TMPRSS15: variants seen among roughly 807,000 people sequenced by gnomAD.
The protein encoded by TMPRSS15 is transmembrane serine protease 15, also known as enteropeptidase.
TMPRSS15 carries 128 observed loss-of-function variants against 125.3 expected under a neutral mutation model. That is an observed-to-expected ratio of 1.02 (90% CI 0.89 to 1.18). The LOEUF (loss-of-function observed/expected upper bound fraction) is 1.18, where lower values mean the gene tolerates loss of function less well. Among genes scored for constraint, TMPRSS15 ranks in the 50% most tolerant of loss-of-function variants. TMPRSS15 has a pLI of 0.00. For missense variants in TMPRSS15, 1,283 were observed against 1,212.7 expected (o/e 1.06, Z -0.86); for synonymous variants, 446 against 423.2 (o/e 1.05, Z -0.66).
intron 1 of TMPRSS15, among the ~76,000 whole-genome samples, chr21:18,435,176 G>T: frequency 6.6e-6 from 1 of 152,138 alleles, no homozygotes; most frequent in Non-Finnish European, 1.5e-5. Context: ...TGTTGAATAG[G>T]AGTGGTGAGA....
chr21:18,468,833 T>A (rs1978720290), intron 1 of TMPRSS15, among the ~76,000 whole-genome samples: 1 of 152,182 alleles, frequency 6.6e-6, no homozygotes, highest in Admixed American at 6.5e-5. Context: ...CCATATGTAA[T>A]TCTACTTTGA....
Position 18,291,171 on chromosome 21 carries a change from C to T in TMPRSS15, c.2486+3099G>A, listed in dbSNP as rs1211195216. 5.3e-5 allele frequency among the ~76,000 whole-genome samples: 8 copies of T among 152,302 alleles called. No individual in the cohort carries two copies. In the East Asian group the frequency reaches 1.4e-3, roughly 26 times the overall value. On this transcript the variant is annotated intron_variant, in intron 21 of 24. Coordinates refer to ENST00000284885, the MANE Select transcript of TMPRSS15 (RefSeq NM_002772.3). ...CAAGCAAGATAGATATCCTTATGAG[C>T]TTCCTACAGATGAGGAAACGGAAAC...
chr21:18,300,192 T>C (rs1485071328), intron 18 of TMPRSS15, among the ~76,000 whole-genome samples: 1 of 76,884 alleles, frequency 1.3e-5, no homozygotes, highest in Admixed American at 1.3e-4. Context: ...TCCTTTTTCT[T>C]TCTTTCTCTT....
chr21:18,409,917 CCCTTCCTT>C (rs1168404266), intron 1 of TMPRSS15, among the ~76,000 whole-genome samples: 1 of 132,822 alleles, frequency 7.5e-6, no homozygotes, highest in Non-Finnish European at 1.6e-5. Flanking sequence ...CTCCCTCCCT[CCCTTCCTT>C]CCTTCCTTTC....
At chr21:18,345,995 G>A (rs1042522887) in intron 10 of TMPRSS15, among the ~76,000 whole-genome samples, 1 of 151,736 alleles carries the variant, frequency 6.6e-6, no homozygotes. Flanking sequence ...TTTTGTCAGT[G>A]ATCAAGTAAA....
intron 3 of TMPRSS15, among the ~76,000 whole-genome samples, chr21:18,384,388 A>G (rs963106090): frequency 7.2e-5 from 11 of 152,150 alleles, no homozygotes; most frequent in African/African-American, 1.7e-4. Flanking sequence ...AAGAAATTCA[A>G]TCTCAGGTCC....
rs546387778 is a variant in TMPRSS15, at chr21:18,428,195, C to G, written c.11-29866G>C. ...ACAACAAATAAGATTTGACAATCTA[C>G]TATGCATAATTTTAAATTCAAATTT... is the stretch of plus-strand genomic sequence containing the variant. On this transcript the variant is annotated intron_variant, in intron 1 of 7. Coordinates refer to the TMPRSS15 transcript ENST00000422787. Among the ~76,000 whole-genome samples, 3 of 152,274 alleles carry G rather than the reference C, an allele frequency of 2.0e-5. 1 individual carries two copies. The South Asian group carries it at 6.2e-4, about 32-fold the overall frequency.
At position 18,341,530 on chromosome 21, in the gene TMPRSS15, T is replaced by C; in HGVS notation, c.1447A>G (p.Lys483Glu). The C allele has an allele frequency of 1.9e-6, 3 of 1,614,022 alleles. No homozygotes were observed. The highest frequency in any genetic ancestry group is 2.5e-6 in the Non-Finnish European group (3 of 1,179,918). The stretch of plus-strand genomic sequence containing the variant: ...GCAATATCACTCAGGATCTTGTTTT[T>C]AAAAGCATTAAAAGCAACCTGCAAT... Reference protein sequence around the residue: ...VKFKVAFNAFKNKILSDIALD... With the variant: ...VKFKVAFNAFENKILSDIALD... The change falls in exon 13 of 25, where the codon AAA becomes GAA. Residue 483 changes from lysine (K) to glutamate (E), a missense_variant. Physicochemically the swap from Lys to Glu is moderately conservative, Grantham distance 56. Transcript: ENST00000284885.
intron 10 of TMPRSS15, among the ~76,000 whole-genome samples, chr21:18,348,600 T>G (rs1316525616): frequency 6.6e-6 from 1 of 152,198 alleles, no homozygotes; most frequent in Non-Finnish European, 1.5e-5. Context: ...TATTATTTTC[T>G]AAAATTCAAC....
At chr21:18,374,309 T>C (rs2075819538) in intron 5 of TMPRSS15, among the ~76,000 whole-genome samples, 1 of 150,490 alleles carries the variant, frequency 6.6e-6, no homozygotes, top group African/African-American at 2.4e-5. Context: ...CCGTCTCTAC[T>C]AAAAATACAA....
At chr21:18,313,916 T>A (rs117647996) in intron 17 of TMPRSS15, among the ~76,000 whole-genome samples, 2,256 of 151,920 alleles carry the variant, frequency 0.015, 19 homozygotes, top group South Asian at 0.053. Flanking sequence ...AAAACCACTT[T>A]CTTTGTACTT....
chr21:18,408,408 T>C (rs1297483482), upstream of TMPRSS15, among the ~76,000 whole-genome samples: 3 of 152,168 alleles, frequency 2.0e-5, no homozygotes, highest in Non-Finnish European at 2.9e-5. Flanking sequence ...TAGAAACTAA[T>C]ATAAAATAAG....
intron 3 of TMPRSS15, among the ~76,000 whole-genome samples, chr21:18,386,404 C>A (rs888772803): frequency 2.6e-5 from 4 of 152,126 alleles, no homozygotes; most frequent in Non-Finnish European, 4.4e-5. Flanking sequence ...GAGGCTACAG[C>A]ACATTTACCC....
At chr21:18,473,706 G>A (rs1978823094) in intron 1 of TMPRSS15, among the ~76,000 whole-genome samples, 1 of 152,000 alleles carries the variant, frequency 6.6e-6, no homozygotes, top group Admixed American at 6.6e-5. Context: ...AATTGGTTGT[G>A]CAACTGATAA....
In TMPRSS15 at chr21:18,270,036, G is replaced by A; in HGVS notation, c.2993C>T (p.Pro998Leu). The change falls in exon 25 of 25, where the codon CCT (proline) becomes CTT (leucine). Residue 998 changes from proline to leucine, a missense_variant. Pro to Leu is a moderately conservative substitution (Grantham distance 98). Transcript: ENST00000284885. ...CCTGGCATACACTCCGGGGCGATTA[G>A]GCAGGGCACACTTGTATCCAAATGA... ...VTSFGYKCAL[P>L]NRPGVYARVS... 1 of 1,613,954 alleles carries A rather than the reference G, an allele frequency of 6.2e-7. No homozygotes were observed. The highest frequency in any genetic ancestry group is 1.1e-5 in the South Asian group (1 of 91,084).
intron 1 of TMPRSS15, among the ~76,000 whole-genome samples, chr21:18,466,798 T>C (rs976400080): frequency 8.5e-5 from 13 of 152,188 alleles, no homozygotes; most frequent in Non-Finnish European, 1.8e-4. Context: ...GGAATGCTTG[T>C]ACACAGTTGG....
intron 1 of TMPRSS15, among the ~76,000 whole-genome samples, chr21:18,461,142 T>C (rs887580077): frequency 2.6e-5 from 4 of 152,144 alleles, no homozygotes; most frequent in Admixed American, 6.6e-5. Context: ...AACTGAAACT[T>C]ACCAGATCAG....
At chr21:18,468,074 A>T (rs1601473491) in intron 1 of TMPRSS15, among the ~76,000 whole-genome samples, 1 of 152,150 alleles carries the variant, frequency 6.6e-6, no homozygotes, top group African/African-American at 2.4e-5. Flanking sequence ...TATAGGATAT[A>T]TAGTTGGTTA....
In TMPRSS15 at chr21:18,363,692, T is replaced by G. The variant is rs570289412; in HGVS notation, c.773+1448A>C. On this transcript the variant is annotated intron_variant, in intron 7 of 24. Coordinates refer to ENST00000284885, the MANE Select transcript of TMPRSS15 (RefSeq NM_002772.3). ...AATGCTAATAGACATTTATAAATGC[T>G]TCTTTTAAGTTTGAAGTGATTATGT... 4.0e-3 allele frequency among the ~76,000 whole-genome samples: 610 copies of G among 152,198 alleles called. 1 individual carries two copies. The highest frequency in any genetic ancestry group is 0.017 in the Middle Eastern group (5 of 294).
Sources: allele counts gnomAD v4.1 joint callset (sites outside exome capture counted in the v4.1 genomes callset), GRCh38; gene constraint gnomAD v4.1.1; transcripts MANE v1.5; gene names NCBI Gene and HGNC (gene_info 2026-07-23, HGNC 2026-07-21).